EDA: variants seen among roughly 807,000 people sequenced by gnomAD.
EDA encodes ectodysplasin A, also known as ectodysplasin-A.
Under a neutral mutation model 23.6 loss-of-function variants are expected in EDA, and 2 were observed. That is an observed-to-expected ratio of 0.08 (90% CI 0.03 to 0.27). EDA has a LOEUF of 0.27. EDA is among the 10% of genes least tolerant of loss of function. EDA has a pLI of 1.00. For missense variants in EDA, 229 were observed against 324.2 expected (o/e 0.71, Z 2.26); for synonymous variants, 131 against 132.0 (o/e 0.99, Z 0.05).
intron 1 of EDA, among the ~76,000 whole-genome samples, chrX:69,828,663 T>G (rs767205991): frequency 2.3e-4 from 26 of 112,516 alleles, no homozygotes; most frequent in Non-Finnish European, 3.8e-4. Context: ...ACCTTTCTTC[T>G]GCGTCGCTCA....
At chrX:69,701,909 G>T (rs1033278906) in intron 1 of EDA, among the ~76,000 whole-genome samples, 57 of 111,145 alleles carry the variant, frequency 5.1e-4, no homozygotes, top group African/African-American at 1.8e-3. Flanking sequence ...GCGCCAGTAG[G>T]CTGGGCAGGA....
intron 1 of EDA, among the ~76,000 whole-genome samples, chrX:69,645,596 G>GTGTATATATATATATATATATA (rs1569281300): frequency 3.4e-5 from 1 of 29,540 alleles, no homozygotes; most frequent in Non-Finnish European, 5.5e-5. Context: ...ATATATATGT[G>GTGTATATATATATATATATATA]TGTGTGTATA....
intron 1 of EDA, among the ~76,000 whole-genome samples, chrX:69,688,189 C>A (rs1176360490): frequency 3.6e-5 from 4 of 111,508 alleles, no homozygotes; most frequent in African/African-American, 1.3e-4. Flanking sequence ...ACAACATACA[C>A]CTCACAGTGG....
Position 69,711,831 on chromosome X carries a change from A to G in EDA, c.396+95127A>G, listed in dbSNP as rs753469116. Among the ~76,000 whole-genome samples, 7 of 111,319 alleles carry G rather than the reference A, an allele frequency of 6.3e-5. 1 individual carries two copies. The South Asian group carries it at 1.1e-3, about 18-fold the overall frequency. ...GGTAGTTTGTATTTCTGTGGGATCG[A>G]TGGTGATATCCCCTTTATCATTTTT... On this transcript the variant is annotated intron_variant, in intron 1 of 7. Coordinates refer to ENST00000374552, the MANE Select transcript of EDA (RefSeq NM_001399.5).
rs2017365364 is a variant in EDA at position 69,860,734 on chromosome X, T to TTCC, written c.397-96292_397-96291insCCT. The TTCC allele has an allele frequency of 1.8e-5, 9 of 501,369 alleles. No homozygotes were observed. The Admixed American group carries it at 2.4e-4, about 14-fold the overall frequency. The allele number at this position is 501,369 out of a possible 1,213,427, so 41.3% of individuals were successfully genotyped here. On this transcript the variant is annotated intron_variant, in intron 1 of 7. Transcript: ENST00000374552. ...GTCGACCTTCTCAAAGAGTATCTTC[T>TTCC]TGGGGTTCTCTGCATTTCCTTTATT...
At chrX:69,832,205 A>G (rs763485935) in intron 1 of EDA, among the ~76,000 whole-genome samples, 48 of 111,482 alleles carry the variant, frequency 4.3e-4, no homozygotes, top group Admixed American at 2.3e-3. Context: ...ATCTCGAGTT[A>G]ATTTTTGTAT....
At chrX:69,866,898 A>G (rs771845555) in intron 1 of EDA, among the ~76,000 whole-genome samples, 2 of 112,362 alleles carry the variant, frequency 1.8e-5, no homozygotes, top group South Asian at 7.5e-4. Flanking sequence ...GATGGTGGAT[A>G]AGGCATTCCG....
intron 2 of EDA, among the ~76,000 whole-genome samples, chrX:70,004,878 G>A (rs2019782312): frequency 8.9e-6 from 1 of 112,104 alleles, no homozygotes; most frequent in Non-Finnish European, 1.9e-5. Context: ...ATTGCTTGAG[G>A]CCAAGATTTC....
intron 1 of EDA, among the ~76,000 whole-genome samples, chrX:69,917,028 G>A (rs959846068): frequency 3.1e-4 from 34 of 110,135 alleles, no homozygotes; most frequent in African/African-American, 1.1e-3. Context: ...TCCACCTCCC[G>A]GGTTCAAGCA....
chrX:69,801,968 G>A (rs1204995155), intron 1 of EDA, among the ~76,000 whole-genome samples: 1 of 111,551 alleles, frequency 9.0e-6, no homozygotes, highest in Non-Finnish European at 1.9e-5. Context: ...GAAGATGTAT[G>A]TAACTGATGA....
chrX:69,750,851 C>T lies in EDA; in HGVS notation c.396+134147C>T, dbSNP rs761508717. Reference sequence around the variant, plus strand: ...GAGAAGTGTCTGTTCATATCCTTCGCCCACTTTTAGATGGGGTTGTTTGAT... The same window carrying T: ...GAGAAGTGTCTGTTCATATCCTTCGTCCACTTTTAGATGGGGTTGTTTGAT... On this transcript the variant is annotated intron_variant, in intron 1 of 7. Transcript: ENST00000374552. 1.2e-4 allele frequency among the ~76,000 whole-genome samples: 13 copies of T among 111,814 alleles called. No individual in the cohort carries two copies. In the South Asian group the frequency reaches 4.5e-3, roughly 39 times the overall value.
At chrX:69,800,124 A>G (rs986047061) in intron 1 of EDA, among the ~76,000 whole-genome samples, 2 of 111,941 alleles carry the variant, frequency 1.8e-5, no homozygotes, top group African/African-American at 6.5e-5. Flanking sequence ...ACAGAAAGAC[A>G]AATACTGCAC....
In EDA at chrX:69,934,912, T is replaced by C. The variant is rs751149894; in HGVS notation, c.397-22115T>C. On this transcript the variant is annotated intron_variant, in intron 1 of 7. Coordinates refer to ENST00000374552, the MANE Select transcript of EDA (RefSeq NM_001399.5). ...ATCTTATTCATTCTATCTAACTATATTTTTTACCCTTTAATAATCCCTACT... is the reference window on the plus strand; with the variant it reads ...ATCTTATTCATTCTATCTAACTATACTTTTTACCCTTTAATAATCCCTACT... Among the ~76,000 whole-genome samples, 10 of 111,291 alleles carry C rather than the reference T, an allele frequency of 9.0e-5. No individual in the cohort carries two copies. The Admixed American group carries it at 9.6e-4, about 11-fold the overall frequency.
chrX:69,911,523 T>G (rs1429216579), intron 1 of EDA, among the ~76,000 whole-genome samples: 1 of 112,073 alleles, frequency 8.9e-6, no homozygotes, highest in Non-Finnish European at 1.9e-5. Context: ...TATTCTCCAG[T>G]GCTTTCAGGT....
At chrX:69,803,307 T>C (rs2015739077) in intron 1 of EDA, among the ~76,000 whole-genome samples, 1 of 110,866 alleles carries the variant, frequency 9.0e-6, no homozygotes, top group Non-Finnish European at 1.9e-5. Flanking sequence ...TTTTGGTTTT[T>C]TTTTAAGACT....
chrX:69,676,380 G>C, intron 1 of EDA, among the ~76,000 whole-genome samples: 1 of 111,203 alleles, frequency 9.0e-6, no homozygotes, highest in Non-Finnish European at 1.9e-5. Context: ...GTAAAAGATT[G>C]TTGGATTCTG....
intron 1 of EDA, among the ~76,000 whole-genome samples, chrX:69,643,342 T>C (rs946039432): frequency 9.9e-5 from 11 of 110,838 alleles, no homozygotes; most frequent in Non-Finnish European, 1.9e-5. Context: ...TGGGTAAACA[T>C]GTGCCACGGT....
At chrX:70,006,823 T>C (rs1581883) in intron 2 of EDA, among the ~76,000 whole-genome samples, 11,759 of 111,077 alleles carry the variant, frequency 0.11, 510 homozygotes, top group Non-Finnish European at 0.14. Context: ...CTTTTGGTGT[T>C]CTATCTAAAA....
intron 1 of EDA, among the ~76,000 whole-genome samples, chrX:69,870,409 G>A (rs111773350): frequency 0.018 from 1,943 of 110,837 alleles, 52 homozygotes; most frequent in African/African-American, 0.061. Flanking sequence ...CTAGGGGCCC[G>A]CCGGGAGTTT....
Sources: gnomAD v4.1 joint callset for allele counts (sites outside exome capture counted in the v4.1 genomes callset) on GRCh38, gnomAD v4.1.1 for gene constraint, MANE v1.5 for transcripts, NCBI Gene and HGNC (gene_info 2026-07-23, HGNC 2026-07-21) for gene names.